L3MBTL4: variants seen among roughly 807,000 people sequenced by gnomAD.
L3MBTL4 encodes lethal(3)malignant brain tumor-like protein 4.
Under a neutral mutation model 84.5 loss-of-function variants are expected in L3MBTL4, and 70 were observed. The observed-to-expected ratio is 0.83, with a 90% confidence interval of 0.68 to 1.01. L3MBTL4 has a LOEUF of 1.01. L3MBTL4 is among the 50% of genes least tolerant of loss of function. The probability of loss-of-function intolerance (pLI) is 0.00; values close to 1 mark genes in which losing one functional copy is unlikely to be tolerated. For missense variants in L3MBTL4, 715 were observed against 754.8 expected (o/e 0.95, Z 0.62); for synonymous variants, 274 against 259.8 (o/e 1.05, Z -0.52).
At chr18:6,158,346 G>A (rs112535720) in intron 13 of L3MBTL4, among the ~76,000 whole-genome samples, 56 of 152,292 alleles carry the variant, frequency 3.7e-4, no homozygotes, top group African/African-American at 1.3e-3. Context: ...TTTCTAAGAA[G>A]GGACCATTCA....
intron 1 of L3MBTL4, among the ~76,000 whole-genome samples, chr18:6,339,125 A>G (rs2052485724): frequency 6.6e-6 from 1 of 152,218 alleles, no homozygotes; most frequent in Non-Finnish European, 1.5e-5. Context: ...CAAACATCAT[A>G]TCATTAGGGC....
chr18:6,043,216 G>C (rs964743337), intron 16 of L3MBTL4, among the ~76,000 whole-genome samples: 1 of 152,066 alleles, frequency 6.6e-6, no homozygotes, highest in Non-Finnish European at 1.5e-5. Flanking sequence ...TGATCAATGT[G>C]TATCTGTTCT....
intron 10 of L3MBTL4, among the ~76,000 whole-genome samples, chr18:6,218,745 A>C (rs549885125): frequency 2.6e-5 from 4 of 152,172 alleles, no homozygotes; most frequent in Admixed American, 1.3e-4. Context: ...GAAGAATGTC[A>C]TATGGCCCAG....
intron 14 of L3MBTL4, among the ~76,000 whole-genome samples, chr18:6,121,685 C>CGTGTGTGTGT (rs762077935): frequency 1.5e-4 from 22 of 142,924 alleles, no homozygotes; most frequent in African/African-American, 4.4e-4. Flanking sequence ...ATTGTTTCCC[C>CGTGTGTGTGT]GTGTGTGTGT....
At chr18:6,090,558 TA>T (rs1395538529) in intron 15 of L3MBTL4, among the ~76,000 whole-genome samples, 1 of 150,386 alleles carries the variant, frequency 6.6e-6, no homozygotes, top group African/African-American at 2.4e-5. Flanking sequence ...GAAGTCTGGA[TA>T]TATATAAATA....
intron 10 of L3MBTL4, among the ~76,000 whole-genome samples, chr18:6,218,430 A>T (rs1212991137): frequency 6.6e-6 from 1 of 152,166 alleles, no homozygotes; most frequent in Non-Finnish European, 1.5e-5. Context: ...CCTGACCAGT[A>T]CATATGGTTG....
At chr18:6,234,621 C>T (rs1163397991) in intron 10 of L3MBTL4, among the ~76,000 whole-genome samples, 1 of 152,162 alleles carries the variant, frequency 6.6e-6, no homozygotes, top group Non-Finnish European at 1.5e-5. Context: ...AATGAGATGC[C>T]ATCTCATGCC....
intron 16 of L3MBTL4, chr18:6,029,599 TAAG>T (rs1470904179): frequency 1.0e-6 from 1 of 985,210 alleles, no homozygotes; most frequent in African/African-American, 1.7e-5. Context: ...ATAAACTTCG[TAAG>T]AAGGACGCAA....
intron 16 of L3MBTL4, among the ~76,000 whole-genome samples, chr18:6,018,958 T>G (rs1248010322): frequency 6.6e-6 from 1 of 152,222 alleles, no homozygotes; most frequent in East Asian, 1.9e-4. Context: ...GTGAAAGTGG[T>G]TGATAGAAAT....
At chr18:6,297,604 A>T (rs1006327444) in intron 4 of L3MBTL4, among the ~76,000 whole-genome samples, 4 of 152,210 alleles carry the variant, frequency 2.6e-5, no homozygotes, top group Non-Finnish European at 5.9e-5. Context: ...CTATTTTACA[A>T]ATTAAAGTTT....
At chr18:6,168,789 A>G (rs2145156597) in intron 13 of L3MBTL4, among the ~76,000 whole-genome samples, 1 of 152,348 alleles carries the variant, frequency 6.6e-6, no homozygotes, top group South Asian at 2.1e-4. Context: ...TGTCTAAAAC[A>G]CCAAAAGCAA....
chr18:6,036,533 C>T (rs1426683174), intron 16 of L3MBTL4, among the ~76,000 whole-genome samples: 2 of 152,154 alleles, frequency 1.3e-5, no homozygotes, highest in Non-Finnish European at 2.9e-5. Context: ...AGTTTCTCTA[C>T]ATCTTCCCCT....
intron 1 of L3MBTL4, among the ~76,000 whole-genome samples, chr18:6,353,553 C>A (rs115007951): frequency 6.6e-6 from 1 of 151,928 alleles, no homozygotes; most frequent in African/African-American, 2.4e-5. Flanking sequence ...CCTAAAGACT[C>A]CACAAAAAAA....
chr18:6,335,819 C>T (rs1226896934), intron 1 of L3MBTL4, among the ~76,000 whole-genome samples: 1 of 152,198 alleles, frequency 6.6e-6, no homozygotes, highest in African/African-American at 2.4e-5. Flanking sequence ...TCTCCTTCCA[C>T]AAGGATTTTA....
intron 16 of L3MBTL4, among the ~76,000 whole-genome samples, chr18:6,032,976 C>CA (rs1217922438): frequency 6.6e-6 from 1 of 152,162 alleles, no homozygotes; most frequent in Non-Finnish European, 1.5e-5. Context: ...GTTTCTTGTG[C>CA]ACTTAAGAAG....
intron 14 of L3MBTL4, among the ~76,000 whole-genome samples, chr18:6,109,782 C>A (rs2059131768): frequency 6.6e-6 from 1 of 152,194 alleles, no homozygotes; most frequent in Non-Finnish European, 1.5e-5. Context: ...GTCCCCGATC[C>A]TCTCTTTATT....
At chr18:6,121,830 T>C (rs151020944) in intron 14 of L3MBTL4, among the ~76,000 whole-genome samples, 361 of 152,210 alleles carry the variant, frequency 2.4e-3, no homozygotes, top group African/African-American at 8.3e-3. Flanking sequence ...AAAACTGTTC[T>C]TAACAGTCTC....
At chr18:6,312,574 C>T (rs369732309) in intron 1 of L3MBTL4, among the ~76,000 whole-genome samples, 1 of 151,970 alleles carries the variant, frequency 6.6e-6, no homozygotes, top group Non-Finnish European at 1.5e-5. Context: ...GGCTGAAATC[C>T]ACCATGGGCT....
At chr18:6,286,515 A>T (rs1443919007) in intron 4 of L3MBTL4, among the ~76,000 whole-genome samples, 1 of 151,722 alleles carries the variant, frequency 6.6e-6, no homozygotes, top group Non-Finnish European at 1.5e-5. Context: ...ATAAAAAAAT[A>T]AAACCTCTAA....
Sources: gnomAD v4.1 joint callset for allele counts (sites outside exome capture counted in the v4.1 genomes callset) on GRCh38, gnomAD v4.1.1 for gene constraint, MANE v1.5 for transcripts, NCBI Gene and HGNC (gene_info 2026-07-23, HGNC 2026-07-21) for gene names.